AKAP6: variants seen among roughly 807,000 people sequenced by gnomAD.
AKAP6 encodes the protein A-kinase anchor protein 6.
A neutral mutation model predicts 188.5 loss-of-function variants in AKAP6; 58 were observed. That is an observed-to-expected ratio of 0.31 (90% CI 0.25 to 0.38). The LOEUF (loss-of-function observed/expected upper bound fraction) is 0.38, where lower values mean the gene tolerates loss of function less well. Among genes scored for constraint, AKAP6 ranks in the 10% least tolerant of loss-of-function variants. AKAP6 has a pLI of 1.00. For missense variants in AKAP6, 2,710 were observed against 2,740.0 expected, an observed-to-expected ratio of 0.99 and a Z score of 0.24; for synonymous variants, 989 against 998.6, an observed-to-expected ratio of 0.99 and a Z score of 0.18.
chr14:32,671,101 A>G (rs34055728), intron 7 of AKAP6, among the ~76,000 whole-genome samples: 76,237 of 151,996 alleles, frequency 0.5, 20,830 homozygotes, highest in East Asian at 0.75. Context: ...AGTATGTAGG[A>G]AAGAGGATAG....
At chr14:32,746,773 A>G (rs2031927631) in intron 11 of AKAP6, among the ~76,000 whole-genome samples, 1 of 152,222 alleles carries the variant, frequency 6.6e-6, no homozygotes, top group Non-Finnish European at 1.5e-5. Flanking sequence ...GCCCCTATGT[A>G]GACTCAAAAG....
intron 4 of AKAP6, among the ~76,000 whole-genome samples, chr14:32,556,313 G>A (rs1461056866): frequency 6.6e-6 from 1 of 151,870 alleles, no homozygotes; most frequent in Non-Finnish European, 1.5e-5. Context: ...GAGTTTTGTT[G>A]TTCAGTTGTA....
intron 2 of AKAP6, among the ~76,000 whole-genome samples, chr14:32,510,045 T>C (rs557237700): frequency 2.0e-5 from 3 of 152,180 alleles, no homozygotes; most frequent in South Asian, 4.1e-4. Flanking sequence ...TTGAGGCCAG[T>C]TGATGGGCAA....
At chr14:32,527,062 TTATAGTA>T (rs1285958654) in intron 2 of AKAP6, among the ~76,000 whole-genome samples, 1 of 152,222 alleles carries the variant, frequency 6.6e-6, no homozygotes, top group Non-Finnish European at 1.5e-5. Flanking sequence ...GTATCCACCT[TTATAGTA>T]TATAGAACAG....
At chr14:32,586,445 T>A (rs980111900) in intron 5 of AKAP6, among the ~76,000 whole-genome samples, 1 of 152,110 alleles carries the variant, frequency 6.6e-6, no homozygotes, top group Admixed American at 6.6e-5. Flanking sequence ...CTGGCCAATA[T>A]GGTGAAACCT....
At chr14:32,783,166 T>C (rs921813822) in intron 12 of AKAP6, among the ~76,000 whole-genome samples, 2 of 152,130 alleles carry the variant, frequency 1.3e-5, no homozygotes. Context: ...GAAAGGATAG[T>C]CTTTTGAACA....
At chr14:32,565,582 A>C (rs1016902049) in intron 4 of AKAP6, among the ~76,000 whole-genome samples, 1 of 152,122 alleles carries the variant, frequency 6.6e-6, no homozygotes, top group East Asian at 1.9e-4. Context: ...TCAGCCTTTC[A>C]ACTGGCAATC....
At chr14:32,495,921 T>A (rs1325379644) in intron 2 of AKAP6, among the ~76,000 whole-genome samples, 2 of 152,222 alleles carry the variant, frequency 1.3e-5, no homozygotes, top group Non-Finnish European at 2.9e-5. Flanking sequence ...CGTATCAGTG[T>A]AAGTAACATA....
chr14:32,680,618 C>G (rs1212979255), intron 8 of AKAP6, among the ~76,000 whole-genome samples: 1 of 152,152 alleles, frequency 6.6e-6, no homozygotes, highest in African/African-American at 2.4e-5. Context: ...ATTTCCTTCT[C>G]ATGCCTACAA....
intron 8 of AKAP6, among the ~76,000 whole-genome samples, chr14:32,685,124 C>CA (rs1889854475): frequency 6.6e-6 from 1 of 151,906 alleles, no homozygotes; most frequent in Non-Finnish European, 1.5e-5. Context: ...AGTAGCTGGG[C>CA]ATGGTGGTTT....
intron 1 of AKAP6, among the ~76,000 whole-genome samples, chr14:32,336,011 C>G (rs973063662): frequency 1.3e-5 from 2 of 151,644 alleles, no homozygotes; most frequent in Non-Finnish European, 2.9e-5. Flanking sequence ...TCCAGCCATG[C>G]TAATGTTCAG....
At chr14:32,677,587 A>G (rs1889486953) in intron 7 of AKAP6, among the ~76,000 whole-genome samples, 1 of 152,352 alleles carries the variant, frequency 6.6e-6, no homozygotes, top group Admixed American at 6.5e-5. Flanking sequence ...CCTGAAAGCC[A>G]CAGGAATCAC....
chr14:32,706,251 A>G (rs1236234824), intron 9 of AKAP6, among the ~76,000 whole-genome samples: 1 of 152,156 alleles, frequency 6.6e-6, no homozygotes, highest in Non-Finnish European at 1.5e-5. Context: ...CTAAGATAGA[A>G]GAAAGAAATG....
chr14:32,344,113 G>T (rs778055847), intron 1 of AKAP6, among the ~76,000 whole-genome samples: 2 of 152,162 alleles, frequency 1.3e-5, no homozygotes, highest in African/African-American at 4.8e-5. Context: ...TACTCTCCCT[G>T]TGTTCCCAGT....
intron 2 of AKAP6, among the ~76,000 whole-genome samples, chr14:32,522,773 A>T (rs1275362313): frequency 6.6e-6 from 1 of 152,196 alleles, no homozygotes; most frequent in Non-Finnish European, 1.5e-5. Flanking sequence ...GTTGTGGAAG[A>T]CAGTGTGGCG....
intron 4 of AKAP6, 109 bp from the exon 5 acceptor site, chr14:32,577,011 G>T (rs191695230): frequency 7.1e-5 from 90 of 1,273,820 alleles, no homozygotes; most frequent in Non-Finnish European, 7.8e-5. Flanking sequence ...CGGTGGGATC[G>T]ATTTGATCAT....
intron 1 of AKAP6, among the ~76,000 whole-genome samples, chr14:32,394,127 T>C (rs1267110640): frequency 1.3e-5 from 2 of 152,186 alleles, no homozygotes; most frequent in African/African-American, 4.8e-5. Flanking sequence ...GCATTATACA[T>C]TCATTAAAGT....
rs2140171852 is a variant in AKAP6, at chr14:32,830,864, T to G, written c.*1059T>G. ...TTCTTTACCAAATTGTTGCATCTGG[T>G]TCTGAAAAAGTATAGCATGTAGCAG... On this transcript the variant is annotated 3_prime_UTR_variant, in exon 14 of 14. Transcript: ENST00000280979. 6.5e-6 allele frequency: 1 copy of G among 152,712 alleles called. No homozygotes were observed. Among genetic ancestry groups the G allele is most frequent in the Admixed American group, 6.5e-5 (1 of 15,308 alleles). The allele number at this position is 152,712 out of a possible 1,614,324, so 9.5% of individuals were successfully genotyped here. A position where few individuals can be genotyped will look rare whatever the true frequency, so the allele number is the denominator to read the frequency against.
At chr14:32,540,072 G>A (rs10132872) in intron 3 of AKAP6, among the ~76,000 whole-genome samples, 47,072 of 146,022 alleles carry the variant, frequency 0.32, 10,100 homozygotes, top group African/African-American at 0.62. Context: ...AAAAGGAACA[G>A]AGTAAAATGT....
Sources: gnomAD v4.1 joint callset for allele counts (sites outside exome capture counted in the v4.1 genomes callset) on GRCh38, gnomAD v4.1.1 for gene constraint, MANE v1.5 for transcripts, NCBI Gene and HGNC (gene_info 2026-07-23, HGNC 2026-07-21) for gene names.